Variants in FRMPD4 observed in about 807,000 individuals in gnomAD.
FRMPD4 encodes the protein FERM and PDZ domain containing 4.
Under a neutral mutation model 94.1 loss-of-function variants are expected in FRMPD4, and 22 were observed. The ratio of observed to expected loss-of-function variants is 0.23; its 90% CI spans 0.17 to 0.33. The LOEUF is 0.33. FRMPD4 is among the 10% of genes least tolerant of loss of function. The pLI is 1.00. For missense variants in FRMPD4, 1,111 were observed against 1,339.9 expected, an observed-to-expected ratio of 0.83 and a Z score of 2.67; for synonymous variants, 631 against 548.6, an observed-to-expected ratio of 1.15 and a Z score of -2.10.
rs375065892 is a variant in FRMPD4 at position 12,593,105 on chromosome X, GTCTT to G, written c.159-16612_159-16609del. On this transcript the variant is annotated intron_variant, in intron 2 of 16. Coordinates refer to ENST00000675598, the MANE Select transcript of FRMPD4 (RefSeq NM_001368397.1). ...GGATCCATTGCTTCCTTAATCCCATGTCTTTCTATTTCTTGATTTTGTTAGAGCA... is the reference window on the plus strand; with the variant it reads ...GGATCCATTGCTTCCTTAATCCCATGTCTATTTCTTGATTTTGTTAGAGCA... Among the ~76,000 whole-genome samples the G allele has an allele frequency of 5.8e-3, 647 of 111,761 alleles. 5 individuals carry two copies. The highest frequency in any genetic ancestry group is 0.02 in the African/African-American group (629 of 30,719).
chrX:11,877,035 G>A (rs889168919), intron 2 of FRMPD4, among the ~76,000 whole-genome samples: 1 of 111,749 alleles, frequency 8.9e-6, no homozygotes, highest in African/African-American at 3.3e-5. Context: ...AGTCAATAAC[G>A]TCAAGGTTGA....
chrX:12,064,766 A>G (rs921596943), intron 3 of FRMPD4, among the ~76,000 whole-genome samples: 2 of 112,197 alleles, frequency 1.8e-5, no homozygotes, highest in Non-Finnish European at 3.8e-5. Context: ...ATATCCTGGG[A>G]TAAAATTTAT....
chrX:11,854,481 G>T (rs575478476), intron 1 of FRMPD4, among the ~76,000 whole-genome samples: 1 of 112,121 alleles, frequency 8.9e-6, no homozygotes, highest in East Asian at 2.8e-4. Context: ...TTCTGCCTAT[G>T]AGCCTGTAAA....
chrX:11,995,686 T>A (rs1302078686), intron 3 of FRMPD4, among the ~76,000 whole-genome samples: 3 of 111,937 alleles, frequency 2.7e-5, no homozygotes, highest in Non-Finnish European at 5.7e-5. Flanking sequence ...TCACCATAAT[T>A]GCTAATATAA....
intron 3 of FRMPD4, among the ~76,000 whole-genome samples, chrX:12,120,521 T>C (rs1187076054): frequency 1.8e-5 from 2 of 110,962 alleles, no homozygotes; most frequent in Admixed American, 1.9e-4. Flanking sequence ...CAGAATGGGA[T>C]TGGATAAGAG....
chrX:12,045,301 A>G (rs985939539), intron 3 of FRMPD4, among the ~76,000 whole-genome samples: 1 of 111,799 alleles, frequency 8.9e-6, no homozygotes, highest in African/African-American at 3.2e-5. Flanking sequence ...ATAATGAATC[A>G]TTTTGAGGCC....
chrX:12,040,303 A>ATT (rs375661441), intron 3 of FRMPD4, among the ~76,000 whole-genome samples: 1 of 87,775 alleles, frequency 1.1e-5, no homozygotes, highest in African/African-American at 4.2e-5. Context: ...GTATCTCGTA[A>ATT]TTTTTTTTTT....
At chrX:12,661,641 A>G (rs112919375) in intron 4 of FRMPD4, among the ~76,000 whole-genome samples, 4 of 112,295 alleles carry the variant, frequency 3.6e-5, no homozygotes, top group African/African-American at 1.3e-4. Flanking sequence ...GGCAATGAGC[A>G]GAGTGTAAAT....
At chrX:11,881,296 C>T (rs187043840) in intron 3 of FRMPD4, among the ~76,000 whole-genome samples, 2 of 112,060 alleles carry the variant, frequency 1.8e-5, no homozygotes, top group East Asian at 2.8e-4. Context: ...AATCCCACCC[C>T]GGGTATTTAC....
chrX:12,524,686 T>C (rs2058202123), intron 2 of FRMPD4, among the ~76,000 whole-genome samples: 1 of 111,467 alleles, frequency 9.0e-6, no homozygotes, highest in Admixed American at 9.5e-5. Context: ...AAGTTGTAGA[T>C]ATGGCAAATT....
intron 1 of FRMPD4, among the ~76,000 whole-genome samples, chrX:12,286,626 A>G (rs2054604030): frequency 8.9e-6 from 1 of 112,020 alleles, no homozygotes; most frequent in Non-Finnish European, 1.9e-5. Flanking sequence ...GAAGGATTTC[A>G]TGTTGTTATA....
intron 1 of FRMPD4, among the ~76,000 whole-genome samples, chrX:12,429,622 T>TAAGAAACAG (rs2056989746): frequency 8.9e-6 from 1 of 112,252 alleles, no homozygotes; most frequent in African/African-American, 3.2e-5. Context: ...TTCTTATTAT[T>TAAGAAACAG]GTTTTTACAT....
At chrX:12,406,321 A>G (rs943858396) in intron 1 of FRMPD4, among the ~76,000 whole-genome samples, 9 of 112,188 alleles carry the variant, frequency 8.0e-5, no homozygotes, top group African/African-American at 2.6e-4. Flanking sequence ...AATTATCCCC[A>G]TAGGTCAAGT....
chrX:12,585,015 A>T (rs1420189007), intron 2 of FRMPD4, among the ~76,000 whole-genome samples: 1 of 110,437 alleles, frequency 9.1e-6, no homozygotes, highest in Non-Finnish European at 1.9e-5. Context: ...CCGCCTTCCG[A>T]GTTCAAGTGG....
intron 3 of FRMPD4, among the ~76,000 whole-genome samples, chrX:12,037,471 G>A (rs182674979): frequency 4.1e-3 from 462 of 111,518 alleles, no homozygotes; most frequent in Non-Finnish European, 6.5e-3. Flanking sequence ...CATTTTCCAC[G>A]GAATTATATA....
At chrX:12,287,483 G>A (rs991534839) in intron 1 of FRMPD4, among the ~76,000 whole-genome samples, 58 of 111,840 alleles carry the variant, frequency 5.2e-4, no homozygotes, top group Non-Finnish European at 7.7e-4. Context: ...AGAGGACTTT[G>A]TATGCGTATA....
At chrX:12,458,475 T>A (rs1173303088) in intron 1 of FRMPD4, among the ~76,000 whole-genome samples, 6 of 111,832 alleles carry the variant, frequency 5.4e-5, no homozygotes, top group Non-Finnish European at 1.1e-4. Context: ...ATTGTTTCTC[T>A]TGATTCAGAG....
intron 3 of FRMPD4, among the ~76,000 whole-genome samples, chrX:12,610,400 G>C (rs1235674751): frequency 3.5e-5 from 4 of 112,726 alleles, no homozygotes; most frequent in Admixed American, 1.9e-4. Flanking sequence ...GCAAAGGCTT[G>C]AGACGTGCTT....
intron 1 of FRMPD4, among the ~76,000 whole-genome samples, chrX:12,382,028 A>T (rs1054509609): frequency 2.7e-5 from 3 of 110,770 alleles, no homozygotes; most frequent in Non-Finnish European, 1.9e-5. Context: ...GAGCCCAAAA[A>T]ACCCCTACAG....
Sources: gnomAD v4.1 joint callset for allele counts (sites outside exome capture counted in the v4.1 genomes callset) on GRCh38, gnomAD v4.1.1 for gene constraint, MANE v1.5 for transcripts, NCBI Gene and HGNC (gene_info 2026-07-23, HGNC 2026-07-21) for gene names.